Variants in HK2 observed in about 807,000 individuals in gnomAD.
HK2 encodes the protein hexokinase 2.
Under a neutral mutation model 92.9 loss-of-function variants are expected in HK2, and 42 were observed. The observed-to-expected ratio is 0.45, with a 90% confidence interval of 0.35 to 0.58. The LOEUF is 0.58. Among genes scored for constraint, HK2 ranks in the 20% least tolerant of loss-of-function variants. The pLI, the probability that HK2 is intolerant of heterozygous loss-of-function variation, is 0.00. For synonymous variants in HK2, 422 were observed against 468.0 expected (o/e 0.90, Z 1.27); for missense variants, 978 against 1,245.1 (o/e 0.79, Z 3.23).
At chr2:74,846,274 A>C (rs1688432511) in intron 1 of HK2, among the ~76,000 whole-genome samples, 1 of 152,082 alleles carries the variant, frequency 6.6e-6, no homozygotes, top group Non-Finnish European at 1.5e-5. Flanking sequence ...TGGCTCTTTG[A>C]CTGTGTATAG....
intron 1 of HK2, among the ~76,000 whole-genome samples, chr2:74,838,853 T>C (rs72908583): frequency 0.018 from 2,728 of 152,298 alleles, 79 homozygotes; most frequent in African/African-American, 0.062. Flanking sequence ...TTTCTATTGA[T>C]TGAGATAAGT....
At chr2:74,852,356 CAG>C (rs1289862949) in intron 1 of HK2, among the ~76,000 whole-genome samples, 2 of 152,160 alleles carry the variant, frequency 1.3e-5, no homozygotes, top group Non-Finnish European at 2.9e-5. Context: ...CCAGGGTGGT[CAG>C]AGTTACCCTT....
At position 74,834,302 on chromosome 2, in the gene HK2, C is replaced by T; in HGVS notation, c.-279C>T. ...AAGTTGAGCCTCAGTGATCCTGTGGCCGAAGTTAGCGCCTTGACGTGGGAC... is the reference window on the plus strand; with the variant it reads ...AAGTTGAGCCTCAGTGATCCTGTGGTCGAAGTTAGCGCCTTGACGTGGGAC... On this transcript the variant is annotated 5_prime_UTR_variant, in exon 1 of 18. Coordinates refer to ENST00000290573, the MANE Select transcript of HK2 (RefSeq NM_000189.5). The surrounding 1 kb of genome is among the most constrained non-coding windows in gnomAD (Gnocchi z 4.2). 5.7e-6 allele frequency: 3 copies of T among 529,866 alleles called. No homozygotes were observed. The East Asian group carries it at 1.0e-4, about 18-fold the overall frequency. 32.8% of individuals were successfully genotyped at this position (529,866 alleles called of 1,614,324 possible).
chr2:74,875,435 TCTCCTACCTCAG>T (rs570237517), intron 7 of HK2, among the ~76,000 whole-genome samples: 2,171 of 151,440 alleles, frequency 0.014, 27 homozygotes, highest in Middle Eastern at 0.075. Context: ...TTCAAGCGAT[TCTCCTACCTCAG>T]CTTCCTGAGT....
chr2:74,848,633 G>A (rs893744855), intron 1 of HK2, among the ~76,000 whole-genome samples: 4 of 152,134 alleles, frequency 2.6e-5, no homozygotes, highest in African/African-American at 4.8e-5. Context: ...TTAAGGTTTC[G>A]TTTCGTCTAC....
At chr2:74,889,110 A>T in intron 16 of HK2, 135 bp from the exon 17 acceptor site, 1 of 739,520 alleles carries the variant, frequency 1.4e-6, no homozygotes, top group East Asian at 2.7e-5. Context: ...AGGAATGGGA[A>T]CCACCTCGAG....
At chr2:74,882,065 G>A (rs1273000503) in intron 11 of HK2, 55 bp from the exon 12 acceptor site, 10 of 1,572,658 alleles carry the variant, frequency 6.4e-6, no homozygotes, top group Non-Finnish European at 8.7e-6. Flanking sequence ...GCCCTACTGG[G>A]GGCAGCCTGC....
rs117522123 is a variant in HK2, at chr2:74,868,293, C to T, written c.375+509C>T. Among the ~76,000 whole-genome samples the T allele has an allele frequency of 2.3e-4, 35 of 152,176 alleles. 1 individual carries two copies. In the East Asian group the frequency reaches 5.6e-3, roughly 24 times the overall value. On this transcript the variant is annotated intron_variant, in intron 3 of 17. Transcript: ENST00000290573. Reference sequence around the variant, plus strand: ...AGGGCTGTGGGCATTTGAGCTTTACCGAAGTTGTCACGTGGCTCCAGTATA... The same window carrying T: ...AGGGCTGTGGGCATTTGAGCTTTACTGAAGTTGTCACGTGGCTCCAGTATA...
chr2:74,865,179 T>C (rs1202296171), intron 2 of HK2, among the ~76,000 whole-genome samples: 1 of 152,088 alleles, frequency 6.6e-6, no homozygotes, highest in Non-Finnish European at 1.5e-5. Context: ...GGAGGAGGGC[T>C]GCAGGGAGGA....
intron 3 of HK2, 48 bp downstream of exon 3, chr2:74,867,832 G>T (rs1688996262): frequency 1.2e-6 from 2 of 1,608,944 alleles, no homozygotes; most frequent in South Asian, 2.2e-5. Flanking sequence ...AAACTTCCTT[G>T]GCATGTTCTT....
chr2:74,890,830 C>T lies in HK2; in HGVS notation c.2643C>T (p.Asp881=), dbSNP rs1457895417. ...FAKVMHETVK[D]LAPKCDVSFL... is the part of the protein sequence containing the mutation. ...AAGTCATGCATGAGACAGTGAAGGA[C>T]CTGGCTCCGAAATGTGATGTGTCTT... The change falls in exon 18 of 18, where the codon GAC becomes GAT. Residue 881 remains aspartate (D), a synonymous_variant. Transcript: ENST00000290573. 1.9e-6 allele frequency: 3 copies of T among 1,614,180 alleles called. No homozygotes were observed. The highest frequency in any genetic ancestry group is 2.5e-6 in the Non-Finnish European group (3 of 1,180,018).
intron 15 of HK2, 24 bp from the exon 16 acceptor site, chr2:74,887,879 C>T (rs767676106): frequency 1.1e-5 from 17 of 1,612,132 alleles, no homozygotes; most frequent in Non-Finnish European, 1.4e-5. Flanking sequence ...TACTTAACCT[C>T]CATGAATGTT....
intron 2 of HK2, among the ~76,000 whole-genome samples, chr2:74,856,857 C>T (rs1343996228): frequency 1.3e-5 from 2 of 152,224 alleles, no homozygotes; most frequent in Non-Finnish European, 2.9e-5. Context: ...TTAGCCTGTG[C>T]ACTTGGCGCT....
At chr2:74,882,079 G>A in intron 11 of HK2, 41 bp from the exon 12 acceptor site, 1 of 1,605,000 alleles carries the variant, frequency 6.2e-7, no homozygotes. Flanking sequence ...AGCCTGCCCT[G>A]CCCAGGGCCC....
At chr2:74,838,537 ATTTTTTT>A (rs1278313162) in intron 1 of HK2, among the ~76,000 whole-genome samples, 1 of 126,666 alleles carries the variant, frequency 7.9e-6, no homozygotes, top group South Asian at 2.5e-4. Flanking sequence ...GATTCTTTCT[ATTTTTTT>A]TTTTTTTTTT....
intron 2 of HK2, among the ~76,000 whole-genome samples, chr2:74,863,334 G>T (rs1334363151): frequency 6.6e-6 from 1 of 152,204 alleles, no homozygotes; most frequent in Non-Finnish European, 1.5e-5. Flanking sequence ...TGCTTAAAAT[G>T]GTTTGAAAAC....
At chr2:74,883,022 G>A (rs954992057) in intron 12 of HK2, among the ~76,000 whole-genome samples, 25 of 152,192 alleles carry the variant, frequency 1.6e-4, no homozygotes, top group Non-Finnish European at 3.2e-4. Context: ...ACTCCCAGAT[G>A]TTCTGGACAT....
intron 1 of HK2, among the ~76,000 whole-genome samples, chr2:74,852,288 T>C (rs1047664076): frequency 4.2e-4 from 64 of 152,210 alleles, no homozygotes; most frequent in African/African-American, 1.5e-3. Flanking sequence ...GATGTGAAAG[T>C]TGTAATGTAG....
chr2:74,840,878 CAAAAAAAAAA>C (rs56344068), intron 1 of HK2, among the ~76,000 whole-genome samples: 2 of 55,950 alleles, frequency 3.6e-5, no homozygotes, highest in Admixed American at 2.4e-4. Flanking sequence ...GACTCTGTCT[CAAAAAAAAAA>C]AAAAAAAAAA....
Sources: gnomAD v4.1 joint callset for allele counts (sites outside exome capture counted in the v4.1 genomes callset) on GRCh38, gnomAD v4.1.1 for gene constraint, Gnocchi (gnomAD v3.1) non-coding constraint, MANE v1.5 for transcripts, NCBI Gene and HGNC (gene_info 2026-07-23, HGNC 2026-07-21) for gene names.